The following FBXL13 variants were observed in gnomAD, a reference collection of about 807,000 sequenced individuals.
FBXL13 encodes the protein F-box and leucine rich repeat protein 13.
Under a neutral mutation model 83.6 loss-of-function variants are expected in FBXL13, and 67 were observed. That is an observed-to-expected ratio of 0.80 (90% CI 0.66 to 0.98). The LOEUF is 0.98. Among genes scored for constraint, FBXL13 ranks in the 50% least tolerant of loss-of-function variants. The probability of loss-of-function intolerance (pLI) is 0.00; values close to 1 mark genes in which losing one functional copy is unlikely to be tolerated. For synonymous variants in FBXL13, 272 were observed against 299.5 expected, an observed-to-expected ratio of 0.91 and a Z score of 0.95; for missense variants, 822 against 866.5, an observed-to-expected ratio of 0.95 and a Z score of 0.64.
At chr7:102,860,149 A>C (rs572939965) in intron 16 of FBXL13, among the ~76,000 whole-genome samples, 1 of 152,184 alleles carries the variant, frequency 6.6e-6, no homozygotes, top group Non-Finnish European at 1.5e-5. Context: ...ACTTCATCCT[A>C]TGCAACAGAA....
chr7:103,007,964 G>T (rs951210012), intron 6 of FBXL13, among the ~76,000 whole-genome samples: 3 of 152,144 alleles, frequency 2.0e-5, no homozygotes, highest in Non-Finnish European at 2.9e-5. Flanking sequence ...AAATATCAGA[G>T]CCCAAGTGGG....
In FBXL13 at chr7:102,926,271, T is replaced by A. The variant is rs757317768; in HGVS notation, c.878+3A>T. 6.2e-7 allele frequency: 1 copy of A among 1,611,844 alleles called. No homozygotes were observed. Among genetic ancestry groups the A allele is most frequent in the African/African-American group, 1.3e-5 (1 of 74,818 alleles). On this transcript the variant is annotated splice_donor_region_variant and intron_variant, in intron 10 of 19. Transcript: ENST00000313221. The stretch of plus-strand genomic sequence containing the variant: ...AGTGTCATACAAATAACACAAACAT[T>A]ACCTCGGCAGGAGTCGCATCGTCCT...
chr7:102,983,410 T>A (rs537218618), intron 6 of FBXL13, among the ~76,000 whole-genome samples: 1 of 148,772 alleles, frequency 6.7e-6, no homozygotes, highest in Admixed American at 6.8e-5. Flanking sequence ...CATTCTGGTT[T>A]TCTTTTTTCC....
intron 8 of FBXL13, among the ~76,000 whole-genome samples, chr7:102,948,146 C>T (rs1240707431): frequency 6.6e-6 from 1 of 151,856 alleles, no homozygotes; most frequent in African/African-American, 2.4e-5. Flanking sequence ...TCACCACAAC[C>T]TCTGCCTCCT....
intron 18 of FBXL13, chr7:102,827,185 CCTTGAAGCAGCT>C (rs1350507816): frequency 2.2e-6 from 1 of 453,370 alleles, no homozygotes; most frequent in Admixed American, 2.4e-5. Context: ...GTGTTACTGC[CCTTGAAGCAGCT>C]CAGCTAGCTT....
intron 5 of FBXL13, among the ~76,000 whole-genome samples, chr7:103,026,003 A>G (rs1018350842): frequency 6.6e-6 from 1 of 150,666 alleles, no homozygotes; most frequent in African/African-American, 2.4e-5. Flanking sequence ...TATAATATAC[A>G]TATATCTTGA....
chr7:103,009,873 G>A (rs1157738375), intron 6 of FBXL13, among the ~76,000 whole-genome samples: 1 of 152,168 alleles, frequency 6.6e-6, no homozygotes, highest in Non-Finnish European at 1.5e-5. Flanking sequence ...CTCAGCTGGG[G>A]AGTGCAGTCT....
In FBXL13 at chr7:103,009,931, C is replaced by A. The variant is rs115123015; in HGVS notation, c.495+15132G>T. Among the ~76,000 whole-genome samples, 750 of 152,350 alleles carry A rather than the reference C, an allele frequency of 4.9e-3. 9 individuals are homozygous for A. Among genetic ancestry groups the A allele is most frequent in the African/African-American group, 0.017 (694 of 41,576 alleles). ...GGACAGTAGACACCTGCCCCCACCACTGGTAGCCAGGCTGGCAATACCTGC... is the reference window on the plus strand; with the variant it reads ...GGACAGTAGACACCTGCCCCCACCAATGGTAGCCAGGCTGGCAATACCTGC... On this transcript the variant is annotated intron_variant, in intron 6 of 19. Transcript: ENST00000313221.
chr7:102,848,275 G>GGAAAGAGGAAT (rs1349589550), intron 17 of FBXL13, among the ~76,000 whole-genome samples: 1 of 113,022 alleles, frequency 8.8e-6, no homozygotes, highest in Admixed American at 7.8e-5. Context: ...ACACATTCGA[G>GGAAAGAGGAAT]GCCGGGCGCG....
intron 10 of FBXL13, among the ~76,000 whole-genome samples, chr7:102,921,161 C>T (rs1047087828): frequency 4.6e-5 from 7 of 151,408 alleles, no homozygotes; most frequent in East Asian, 2.0e-4. Context: ...CAAAACAAAG[C>T]GAATTCAAGG....
downstream of FBXL13, among the ~76,000 whole-genome samples, chr7:102,812,044 A>G (rs1476385806): frequency 6.6e-6 from 1 of 152,214 alleles, no homozygotes; most frequent in East Asian, 1.9e-4. Context: ...AACTTGTGGG[A>G]TACAAAAAGA....
chr7:103,020,313 T>C (rs945738864), intron 6 of FBXL13, among the ~76,000 whole-genome samples: 2 of 152,188 alleles, frequency 1.3e-5, no homozygotes, highest in South Asian at 2.1e-4. Flanking sequence ...TAGTTATTGA[T>C]GGGACGTACC....
At chr7:102,828,755 T>C (rs1800155814) in intron 18 of FBXL13, among the ~76,000 whole-genome samples, 2 of 152,228 alleles carry the variant, frequency 1.3e-5, no homozygotes, top group South Asian at 4.1e-4. Context: ...CATATTAGTA[T>C]AAGAGAAATT....
At chr7:102,872,130 C>T (rs1808608591) in intron 16 of FBXL13, among the ~76,000 whole-genome samples, 1 of 152,198 alleles carries the variant, frequency 6.6e-6, no homozygotes, top group South Asian at 2.1e-4. Flanking sequence ...GTTCCTTGAA[C>T]AAGGATACAT....
chr7:102,913,187 A>G (rs757122324), exon 11 of FBXL13: 5 of 1,614,076 alleles, frequency 3.1e-6, no homozygotes, highest in African/African-American at 2.7e-5. Flanking sequence ...CAATAAGCCA[A>G]ACTAAGATTC....
intron 6 of FBXL13, among the ~76,000 whole-genome samples, chr7:102,969,690 C>T (rs900632119): frequency 3.3e-5 from 5 of 151,418 alleles, no homozygotes; most frequent in African/African-American, 1.2e-4. Context: ...CCCAGCTACT[C>T]GGGAGGCTGA....
At chr7:102,822,060 T>C in exon 19 of FBXL13, 2 of 1,614,204 alleles carry the variant, frequency 1.2e-6, no homozygotes, top group Non-Finnish European at 1.7e-6. Context: ...TTGTGCAGTA[T>C]TGCATCTTAA....
rs560407734 is a variant in FBXL13, at chr7:102,848,481, A to G, written c.1719+6296T>C. Among the ~76,000 whole-genome samples the G allele has an allele frequency of 6.1e-5, 5 of 82,562 alleles. 1 individual carries two copies. The East Asian group carries it at 2.7e-3, about 44-fold the overall frequency. 54.2% of individuals were successfully genotyped at this position (82,562 alleles called of 152,430 possible). ...TGAGGCAGGAGAATGGCGTGAACCC[A>G]AGAGGCGGAGCTTGCAGTGAGCCGA... On this transcript the variant is annotated intron_variant, in intron 17 of 19. Transcript: ENST00000313221.
intron 8 of FBXL13, chr7:102,944,665 CAT>C (rs1453641223): frequency 1.4e-6 from 2 of 1,417,668 alleles, no homozygotes; most frequent in East Asian, 4.6e-5. Flanking sequence ...TGTTAGAAAA[CAT>C]ATGTTTACAT....
Sources: gnomAD v4.1 joint callset for allele counts (sites outside exome capture counted in the v4.1 genomes callset) on GRCh38, gnomAD v4.1.1 for gene constraint, MANE v1.5 for transcripts, NCBI Gene and HGNC (gene_info 2026-07-23, HGNC 2026-07-21) for gene names.